The following SH3GL1 variants were observed in gnomAD, a reference collection of about 807,000 sequenced individuals.
SH3GL1 encodes the protein SH3 domain containing GRB2 like 1, endophilin A2.
SH3GL1 carries 21 observed loss-of-function variants against 48.8 expected under a neutral mutation model. The observed-to-expected ratio is 0.43, with a 90% CI of 0.30 to 0.62. The LOEUF is 0.62. Ranked by LOEUF, SH3GL1 falls within the 20% of genes least tolerant of loss-of-function variation. SH3GL1 has a pLI of 0.11. For missense variants in SH3GL1, 454 were observed against 503.0 expected, an observed-to-expected ratio of 0.90 and a Z score of 0.93; for synonymous variants, 282 against 217.5, an observed-to-expected ratio of 1.30 and a Z score of -2.61.
chr19:4,362,555 T>C, intron 8 of SH3GL1, 57 bp downstream of exon 8: 1 of 1,609,572 alleles, frequency 6.2e-7, no homozygotes, highest in Non-Finnish European at 8.5e-7. Context: ...GGGCCAGCCC[T>C]TGGCCACTCC....
At chr19:4,372,308 C>T (rs556634856) in intron 1 of SH3GL1, among the ~76,000 whole-genome samples, 25 of 152,354 alleles carry the variant, frequency 1.6e-4, no homozygotes, top group African/African-American at 5.8e-4. Context: ...CGGCCCCCAA[C>T]GTCACAGAGG....
intron 1 of SH3GL1, among the ~76,000 whole-genome samples, chr19:4,370,281 ACT>A (rs1972871549): frequency 6.6e-6 from 1 of 151,970 alleles, no homozygotes; most frequent in African/African-American, 2.4e-5. Context: ...GCCGAGGGAG[ACT>A]CTGCAGGCTG....
At chr19:4,377,359 TGGTG>T (rs1017953965) in intron 1 of SH3GL1, among the ~76,000 whole-genome samples, 1 of 152,194 alleles carries the variant, frequency 6.6e-6, no homozygotes, top group African/African-American at 2.4e-5. Context: ...ACAGAATGCG[TGGTG>T]GGCAGAGCTG....
rs977682205 is a variant in SH3GL1 at position 4,376,633 on chromosome 19, G to A, written c.46-9639C>T. On this transcript the variant is annotated intron_variant, in intron 1 of 9. Transcript: ENST00000269886. This position sits in a 1 kb window ranked among gnomAD's most constrained non-coding sequence, Gnocchi z 4.3. ...ATCTTACACCCCCATCTGCCTGGGC[G>A]GCCCCCCCATCTCCCCTCAGAGCTT... Among the ~76,000 whole-genome samples the A allele has an allele frequency of 3.3e-5, 5 of 151,216 alleles. No homozygotes were observed. Among genetic ancestry groups the A allele is most frequent in the East Asian group, 1.9e-4 (1 of 5,132 alleles).
intron 1 of SH3GL1, among the ~76,000 whole-genome samples, chr19:4,382,530 T>A (rs1973156632): frequency 6.6e-6 from 1 of 151,798 alleles, no homozygotes; most frequent in Non-Finnish European, 1.5e-5. Context: ...GTGCTGGGAT[T>A]ACAGGCGTGA....
intron 1 of SH3GL1, among the ~76,000 whole-genome samples, chr19:4,387,808 C>G (rs557415446): frequency 6.6e-6 from 1 of 152,070 alleles, no homozygotes; most frequent in African/African-American, 2.4e-5. Flanking sequence ...CTCAGCCTCC[C>G]GAGTAGCGGG....
chr19:4,361,762 G>A lies in SH3GL1; in HGVS notation c.945C>T (p.Tyr315=), dbSNP rs752705794. Residue 315 remains tyrosine, a synonymous_variant, in exon 10 of 10, where the codon TAC becomes TAT. Coordinates refer to ENST00000269886, the MANE Select transcript of SH3GL1 (RefSeq NM_003025.4). ...CCCCGTCGTTCTCGGGCTCGAAGTC[G>A]TACAGCGCCTTGCAGCTCGGCTGGT... ...PLDQPSCKAL[Y]DFEPENDGEL... The A allele has an allele frequency of 8.2e-5, 132 of 1,611,382 alleles. No individual in the cohort carries two copies. The Admixed American group carries it at 1.8e-3, about 22-fold the overall frequency.
chr19:4,361,825 G>A, intron 9 of SH3GL1, 29 bp from the exon 10 acceptor site: 2 of 1,516,306 alleles, frequency 1.3e-6, no homozygotes, highest in Non-Finnish European at 9.1e-7. Flanking sequence ...TGTGGGGCTG[G>A]GGCTGCTACG....
At chr19:4,398,790 C>CA (rs201662387) in intron 1 of SH3GL1, among the ~76,000 whole-genome samples, 4 of 151,702 alleles carry the variant, frequency 2.6e-5, no homozygotes, top group South Asian at 2.1e-4. Flanking sequence ...CTGGAGTTTC[C>CA]AAAAAAAACC....
At chr19:4,394,779 GC>G (rs1417340174) in intron 1 of SH3GL1, among the ~76,000 whole-genome samples, 1 of 152,240 alleles carries the variant, frequency 6.6e-6, no homozygotes, top group Non-Finnish European at 1.5e-5. Context: ...GAAGTCTAGA[GC>G]CTGGTTTAAA....
chr19:4,394,210 C>A (rs1973387166), intron 1 of SH3GL1, among the ~76,000 whole-genome samples: 1 of 151,866 alleles, frequency 6.6e-6, no homozygotes, highest in Non-Finnish European at 1.5e-5. Context: ...CACAGCCCGG[C>A]CACAAGATTT....
chr19:4,378,228 C>T (rs984663959), intron 1 of SH3GL1, among the ~76,000 whole-genome samples: 4 of 152,180 alleles, frequency 2.6e-5, no homozygotes, highest in Non-Finnish European at 4.4e-5. Context: ...GCCAGTAACA[C>T]ATCAGAGCAA....
intron 1 of SH3GL1, among the ~76,000 whole-genome samples, chr19:4,399,735 G>T (rs1192375435): frequency 2.0e-5 from 3 of 152,184 alleles, no homozygotes; most frequent in African/African-American, 7.2e-5. Flanking sequence ...ACAGGATTCT[G>T]TGGCATATGC....
chr19:4,384,494 T>G (rs1356923081), intron 1 of SH3GL1, among the ~76,000 whole-genome samples: 1 of 152,228 alleles, frequency 6.6e-6, no homozygotes, highest in Non-Finnish European at 1.5e-5. Context: ...CTATTTTTCT[T>G]TTTTTGAAGG....
At chr19:4,364,866 T>TTGTGTGTGTGTGTG (rs373324973) in intron 4 of SH3GL1, among the ~76,000 whole-genome samples, 9,144 of 96,460 alleles carry the variant, frequency 0.095, 656 homozygotes, top group South Asian at 0.12. Context: ...ACCCGGCTAA[T>TTGTGTGTGTGTGTG]TGTGTGTGTG....
chr19:4,386,286 G>A (rs1300091684), intron 1 of SH3GL1, among the ~76,000 whole-genome samples: 1 of 152,192 alleles, frequency 6.6e-6, no homozygotes, highest in African/African-American at 2.4e-5. Flanking sequence ...AGGGCGGGCA[G>A]AAAGTTCCCA....
At chr19:4,390,449 T>G (rs1973315854) in intron 1 of SH3GL1, 4 of 144,408 alleles carry the variant, frequency 2.8e-5, no homozygotes, top group Admixed American at 6.9e-5. Context: ...GAAGAAGAGG[T>G]GAGAGGGCAA....
chr19:4,367,517 TCTC>T lies in SH3GL1; in HGVS notation c.46-526_46-524del, dbSNP rs1247958114. Among the ~76,000 whole-genome samples the T allele has an allele frequency of 3.4e-4, 51 of 151,976 alleles. No homozygotes were observed. Among genetic ancestry groups the T allele is most frequent in the Non-Finnish European group, 5.7e-4 (39 of 67,912 alleles). On this transcript the variant is annotated intron_variant, in intron 1 of 9. Coordinates refer to ENST00000269886, the MANE Select transcript of SH3GL1 (RefSeq NM_003025.4). This position sits in a 1 kb window ranked among gnomAD's most constrained non-coding sequence, Gnocchi z 4.2. ...GGCAGCCGGGCAGGGAGGCCGCCATTCTCCTGTGCTCTGGTGCCCGTGTCTGCA... is the reference window on the plus strand; with the variant it reads ...GGCAGCCGGGCAGGGAGGCCGCCATTCTGTGCTCTGGTGCCCGTGTCTGCA...
chr19:4,392,073 G>A (rs1973347689), intron 1 of SH3GL1, among the ~76,000 whole-genome samples: 1 of 152,200 alleles, frequency 6.6e-6, no homozygotes, highest in Non-Finnish European at 1.5e-5. Context: ...TCAGCCTGCA[G>A]CTGCTGGACT....
Sources: gnomAD v4.1 joint callset for allele counts (sites outside exome capture counted in the v4.1 genomes callset) on GRCh38, gnomAD v4.1.1 for gene constraint, Gnocchi (gnomAD v3.1) non-coding constraint, MANE v1.5 for transcripts, NCBI Gene and HGNC (gene_info 2026-07-23, HGNC 2026-07-21) for gene names.